KIAA1671: variants seen among roughly 807,000 people sequenced by gnomAD.
KIAA1671 encodes the protein uncharacterized protein KIAA1671.
KIAA1671 carries 52 observed loss-of-function variants against 131.2 expected under a neutral mutation model. The ratio of observed to expected loss-of-function variants is 0.40; its 90% CI spans 0.32 to 0.50. KIAA1671 has a LOEUF of 0.50. KIAA1671 is among the 20% of genes least tolerant of loss of function. The pLI, the probability that KIAA1671 is intolerant of heterozygous loss-of-function variation, is 0.73. For synonymous variants in KIAA1671, 1,003 were observed against 961.6 expected, an observed-to-expected ratio of 1.04 and a Z score of -0.80; for missense variants, 2,360 against 2,364.2, an observed-to-expected ratio of 1.00 and a Z score of 0.04.
intron 6 of KIAA1671, among the ~76,000 whole-genome samples, chr22:25,133,389 G>A (rs1932532286): frequency 6.6e-6 from 1 of 152,218 alleles, no homozygotes; most frequent in Non-Finnish European, 1.5e-5. Flanking sequence ...AATTCACAAA[G>A]CATTTCACTA....
At chr22:24,954,253 A>C (rs1921573996) in intron 1 of KIAA1671, among the ~76,000 whole-genome samples, 1 of 152,110 alleles carries the variant, frequency 6.6e-6, no homozygotes, top group Non-Finnish European at 1.5e-5. Flanking sequence ...CATTTGGACA[A>C]AGCTTCTCCC....
chr22:24,953,114 G>A (rs1377738915), intron 1 of KIAA1671, among the ~76,000 whole-genome samples: 1 of 152,044 alleles, frequency 6.6e-6, no homozygotes, highest in Admixed American at 6.5e-5. Context: ...GGAGGGGATC[G>A]GGCGCTGGAG....
Position 25,193,416 on chromosome 22 carries a change from C to T in KIAA1671, c.*1015C>T, listed in dbSNP as rs5996856. Reference sequence around the variant, plus strand: ...TCTCCAGAGTCTTCTTTGAACATGACGTGGGCTGCTGGCATGGAGGAGTTG... The same window carrying T: ...TCTCCAGAGTCTTCTTTGAACATGATGTGGGCTGCTGGCATGGAGGAGTTG... On this transcript the variant is annotated 3_prime_UTR_variant, in exon 13 of 13. Coordinates refer to ENST00000358431, the MANE Select transcript of KIAA1671 (RefSeq NM_001145206.2). 49,669 of 152,052 alleles carry T rather than the reference C, an allele frequency of 0.33. 8,508 individuals carry two copies. The highest frequency in any genetic ancestry group is 0.47 in the East Asian group (2,451 of 5,174). The allele number at this position is 152,052 out of a possible 1,614,324, so 9.4% of individuals were successfully genotyped here. A position where few individuals can be genotyped will look rare whatever the true frequency, so the allele number is the denominator to read the frequency against.
chr22:25,163,767 G>A (rs2145998674), intron 6 of KIAA1671, among the ~76,000 whole-genome samples: 1 of 152,136 alleles, frequency 6.6e-6, no homozygotes, highest in Middle Eastern at 3.4e-3. Flanking sequence ...CCATTGCATG[G>A]ATATTGTATT....
intron 6 of KIAA1671, among the ~76,000 whole-genome samples, chr22:25,117,517 G>A (rs1474679189): frequency 1.3e-5 from 2 of 151,144 alleles, no homozygotes; most frequent in African/African-American, 4.9e-5. Flanking sequence ...GGGAGTATTT[G>A]CTTCTGTGTT....
At chr22:25,164,958 A>AAAG (rs1555884263) in intron 6 of KIAA1671, among the ~76,000 whole-genome samples, 1 of 89,716 alleles carries the variant, frequency 1.1e-5, no homozygotes, top group Non-Finnish European at 2.1e-5. Context: ...GAAAAAAAAA[A>AAAG]AAAGAGAGAG....
rs1201189575 is a variant in KIAA1671, at chr22:25,026,712, A to C, written c.-56+928A>C. On this transcript the variant is annotated intron_variant, in intron 2 of 12. Coordinates refer to ENST00000358431, the MANE Select transcript of KIAA1671 (RefSeq NM_001145206.2). ...GCCATTGCACTCCAGCCTGGGCAGC[A>C]AGAGTGAAACTTGGTCTCAAAAAAA... is the stretch of plus-strand genomic sequence containing the variant. 2.6e-5 allele frequency among the ~76,000 whole-genome samples: 4 copies of C among 152,118 alleles called. No individual in the cohort carries two copies. In the East Asian group the frequency reaches 5.8e-4, roughly 22 times the overall value.
intron 6 of KIAA1671, among the ~76,000 whole-genome samples, chr22:25,117,585 C>CA (rs1931730649): frequency 2.4e-5 from 3 of 123,836 alleles, no homozygotes; most frequent in Non-Finnish European, 3.3e-5. Flanking sequence ...TCTCCCCCAA[C>CA]CACACACACA....
In KIAA1671 at chr22:25,029,431, A is replaced by G. The variant is rs1926147262; in HGVS notation, c.1432A>G (p.Ser478Gly). Residue 478 changes from serine to glycine, a missense_variant, in exon 3 of 13, where the codon AGC (serine) becomes GGC (glycine). Coordinates refer to ENST00000358431, the MANE Select transcript of KIAA1671 (RefSeq NM_001145206.2). ...ACCAGAGCCGGAGAAAGGGGTTGTG[A>G]GCGTTCAGGAACGGATCAGAGGCTG... is the stretch of plus-strand genomic sequence containing the variant. ...AAPEPEKGVV[S>G]VQERIRGWTA... The G allele has an allele frequency of 6.4e-7, 1 of 1,551,314 alleles. No individual in the cohort carries two copies. The highest frequency in any genetic ancestry group is 1.4e-5 in the African/African-American group (1 of 73,054).
chr22:25,064,954 A>T (rs559086638), intron 6 of KIAA1671: 2 of 152,120 alleles, frequency 1.3e-5, no homozygotes, highest in Admixed American at 6.5e-5. Context: ...GGCCATCCTC[A>T]CCCAGCACAT....
chr22:24,957,272 C>G (rs1383498925), intron 1 of KIAA1671, among the ~76,000 whole-genome samples: 1 of 152,084 alleles, frequency 6.6e-6, no homozygotes, highest in Non-Finnish European at 1.5e-5. Flanking sequence ...CTGGGACATT[C>G]CAGGCAGAAG....
At chr22:25,182,188 A>C (rs1302779799) in intron 10 of KIAA1671, among the ~76,000 whole-genome samples, 1 of 150,260 alleles carries the variant, frequency 6.7e-6, no homozygotes, top group Non-Finnish European at 1.5e-5. Context: ...CAAAAAAAAA[A>C]CAAAAAACAA....
intron 6 of KIAA1671, among the ~76,000 whole-genome samples, chr22:25,094,575 C>A (rs1008952659): frequency 6.6e-6 from 1 of 152,188 alleles, no homozygotes; most frequent in Non-Finnish European, 1.5e-5. Context: ...AAGGCTGATG[C>A]AGCATAACCC....
rs1009349007 is a variant in KIAA1671, at chr22:25,138,064, A to T, written c.4531-32756A>T. On this transcript the variant is annotated intron_variant, in intron 6 of 12. Transcript: ENST00000358431. ...ATTGTTTGCCTCTGTATCTGTCAGG[A>T]TCAGCTAGGTTGTGCTGCAGTGACA... Among the ~76,000 whole-genome samples, 15 of 152,334 alleles carry T rather than the reference A, an allele frequency of 9.8e-5. No individual in the cohort carries two copies. The East Asian group carries it at 2.7e-3, about 27-fold the overall frequency.
intron 6 of KIAA1671, among the ~76,000 whole-genome samples, chr22:25,079,746 G>T (rs1032934833): frequency 6.6e-6 from 1 of 152,170 alleles, no homozygotes; most frequent in Non-Finnish European, 1.5e-5. Flanking sequence ...TGACCATGCC[G>T]GGCCTTGCAG....
chr22:25,062,212 C>G (rs865922125), intron 6 of KIAA1671: 1 of 148,450 alleles, frequency 6.7e-6, no homozygotes, highest in Non-Finnish European at 1.5e-5. Flanking sequence ...CTCCTCTTCC[C>G]CCTCCTTTTC....
chr22:25,086,093 T>C lies in KIAA1671; in HGVS notation c.4530+36729T>C, dbSNP rs115985830. Reference sequence around the variant, plus strand: ...GTGGCTGTGTCTTGTTTCATATCTATATGCACAGTGCTTAGCAGAGGGCTG... The same window carrying C: ...GTGGCTGTGTCTTGTTTCATATCTACATGCACAGTGCTTAGCAGAGGGCTG... On this transcript the variant is annotated intron_variant, in intron 6 of 12. Transcript: ENST00000358431. Among the ~76,000 whole-genome samples the C allele has an allele frequency of 2.1e-3, 315 of 152,322 alleles. 2 individuals carry two copies. Among genetic ancestry groups the C allele is most frequent in the African/African-American group, 7.2e-3 (300 of 41,570 alleles).
In KIAA1671 at chr22:25,093,838, G is replaced by GTCTCTCTCTCTTTCTCTCTCTCTC. The variant is rs1930252271; in HGVS notation, c.4530+44485_4530+44486insTTCTCTCTCTCTCTCTCTCTCTCT. ...TCTCTCTCTCTTTCTCTCTCTGTCT[G>GTCTCTCTCTCTTTCTCTCTCTCTC]TCTCTCTCTCTCTCTCTCTCTCTCT... On this transcript the variant is annotated intron_variant, in intron 6 of 12. Transcript: ENST00000358431. Among the ~76,000 whole-genome samples the GTCTCTCTCTCTTTCTCTCTCTCTC allele has an allele frequency of 1.0e-4, 2 of 19,640 alleles. 1 individual carries two copies. Among genetic ancestry groups the GTCTCTCTCTCTTTCTCTCTCTCTC allele is most frequent in the African/African-American group, 6.8e-4 (2 of 2,920 alleles). 12.9% of individuals were successfully genotyped at this position (19,640 alleles called of 152,430 possible).
intron 1 of KIAA1671, among the ~76,000 whole-genome samples, chr22:24,969,920 A>T (rs1287435529): frequency 6.6e-6 from 1 of 152,180 alleles, no homozygotes; most frequent in African/African-American, 2.4e-5. Flanking sequence ...GCTGTAATTG[A>T]TAAGTAGTGG....
Sources: gnomAD v4.1 joint callset for allele counts (sites outside exome capture counted in the v4.1 genomes callset) on GRCh38, gnomAD v4.1.1 for gene constraint, MANE v1.5 for transcripts, NCBI Gene and HGNC (gene_info 2026-07-23, HGNC 2026-07-21) for gene names.